TMEM243: variants seen among roughly 807,000 people sequenced by gnomAD.
TMEM243 encodes MDR1 and mitochondrial taxol resistance associated.
Under a neutral mutation model 15.0 loss-of-function variants are expected in TMEM243, and 20 were observed. The ratio of observed to expected loss-of-function variants is 1.33; its 90% CI spans 0.94 to 1.93. TMEM243 has a LOEUF of 1.93. Among genes scored for constraint, TMEM243 ranks in the 30% most tolerant of loss-of-function variants. The pLI, the probability that TMEM243 is intolerant of heterozygous loss-of-function variation, is 0.00. For synonymous variants in TMEM243, 72 were observed against 52.7 expected, an observed-to-expected ratio of 1.37 and a Z score of -1.59; for missense variants, 156 against 142.1, an observed-to-expected ratio of 1.10 and a Z score of -0.50.
At chr7:87,205,240 C>CT (rs1309373407) in intron 1 of TMEM243, among the ~76,000 whole-genome samples, 1 of 152,206 alleles carries the variant, frequency 6.6e-6, no homozygotes, top group Non-Finnish European at 1.5e-5. Context: ...TCAAAGGTCT[C>CT]TGACATGGCC....
chr7:87,215,036 C>T (rs1310976985), intron 1 of TMEM243, among the ~76,000 whole-genome samples: 2 of 152,176 alleles, frequency 1.3e-5, no homozygotes, highest in Non-Finnish European at 2.9e-5. Context: ...GGATTTGGGA[C>T]ATCGCCTGTA....
chr7:87,202,041 G>A (rs1012214223), intron 1 of TMEM243, among the ~76,000 whole-genome samples: 1 of 152,110 alleles, frequency 6.6e-6, no homozygotes, highest in African/African-American at 2.4e-5. Flanking sequence ...GACAGACGTT[G>A]TGTGCATACA....
At chr7:87,198,175 T>C (rs914104161) in intron 2 of TMEM243, 130 bp from the exon 3 acceptor site, 8 of 688,728 alleles carry the variant, frequency 1.2e-5, no homozygotes, top group South Asian at 7.9e-5. Context: ...AAGTTTGCTT[T>C]CTAGAATGTT....
At chr7:87,211,604 A>C (rs554424011) in intron 1 of TMEM243, among the ~76,000 whole-genome samples, 1 of 152,252 alleles carries the variant, frequency 6.6e-6, no homozygotes, top group Non-Finnish European at 1.5e-5. Flanking sequence ...CCCAGTCAGA[A>C]GCCTAAGGGG....
In TMEM243 at chr7:87,215,974, C is replaced by A. The variant is rs765331554; in HGVS notation, c.78+3452G>T. Among the ~76,000 whole-genome samples the A allele has an allele frequency of 3.9e-4, 60 of 152,126 alleles. No individual in the cohort carries two copies. The Middle Eastern group carries it at 0.014, about 34-fold the overall frequency. ...AGCAATACAGGAAGCCCCATCTCTA[C>A]AACAAATTAAAAAGGGCCAGGCGTG... On this transcript the variant is annotated intron_variant, in intron 1 of 3. Transcript: ENST00000257637.
chr7:87,219,936 C>A (rs758764277), upstream of TMEM243, among the ~76,000 whole-genome samples: 59 of 152,240 alleles, frequency 3.9e-4, no homozygotes, highest in Non-Finnish European at 7.3e-4. Flanking sequence ...ACGTCGCCCC[C>A]CATTTTTACA....
intron 1 of TMEM243, among the ~76,000 whole-genome samples, chr7:87,207,502 A>T: frequency 5.5e-5 from 1 of 18,194 alleles, no homozygotes; most frequent in East Asian, 6.4e-4. Context: ...AGGCTGAGGC[A>T]GGAGAATGGC....
intron 1 of TMEM243, among the ~76,000 whole-genome samples, chr7:87,204,020 T>TG (rs1298757476): frequency 2.6e-5 from 4 of 152,182 alleles, no homozygotes; most frequent in Admixed American, 2.6e-4. Context: ...AGAGATTTAA[T>TG]GGACTCACAG....
chr7:87,196,676 CACA>C lies in TMEM243; in HGVS notation c.314_316del (p.Leu105del), dbSNP rs1361355407. ...ATGGAAGTACAGGTTTGCACATATA[CACA>C]ACATGATGATAGAAAATATGATATA... On this transcript the variant is annotated inframe_deletion, in exon 4 of 4. Coordinates refer to ENST00000257637, the MANE Select transcript of TMEM243 (RefSeq NM_024315.4). 1 of 1,610,430 alleles carries C rather than the reference CACA, an allele frequency of 6.2e-7. No individual in the cohort carries two copies. The highest frequency in any genetic ancestry group is 8.5e-7 in the Non-Finnish European group (1 of 1,178,282).
intron 1 of TMEM243, chr7:87,199,344 C>T (rs1296419095): frequency 1.5e-5 from 5 of 341,100 alleles, no homozygotes; most frequent in African/African-American, 1.1e-4. Flanking sequence ...ACAAATAATG[C>T]ATGTGCTGCT....
chr7:87,209,371 G>T (rs1287573902), intron 1 of TMEM243, among the ~76,000 whole-genome samples: 1 of 151,888 alleles, frequency 6.6e-6, no homozygotes, highest in African/African-American at 2.4e-5. Context: ...AAGAGGGGAA[G>T]AGAGAGAGGT....
intron 1 of TMEM243, 41 bp downstream of exon 1, chr7:87,219,383 GAC>G: frequency 1.3e-6 from 2 of 1,595,104 alleles, no homozygotes; most frequent in East Asian, 2.2e-5. Flanking sequence ...GCAGGCAGCA[GAC>G]ACACCCCCCA....
chr7:87,198,916 T>C (rs1284224382), intron 2 of TMEM243, 91 bp downstream of exon 2: 4 of 1,172,138 alleles, frequency 3.4e-6, no homozygotes, highest in Non-Finnish European at 4.8e-6. Context: ...TAAAAGCACT[T>C]ATTTAGCTTT....
chr7:87,200,027 G>T (rs753132759), intron 1 of TMEM243, among the ~76,000 whole-genome samples: 3 of 152,296 alleles, frequency 2.0e-5, no homozygotes, highest in Non-Finnish European at 2.9e-5. Context: ...AAACCTCAGA[G>T]ATGGGAAGGA....
chr7:87,201,136 A>G (rs576362882), intron 1 of TMEM243, among the ~76,000 whole-genome samples: 1 of 152,352 alleles, frequency 6.6e-6, no homozygotes, highest in African/African-American at 2.4e-5. Context: ...GGGATTCCCA[A>G]GATGGGATGA....
At chr7:87,204,586 A>G (rs533780088) in intron 1 of TMEM243, among the ~76,000 whole-genome samples, 17 of 152,352 alleles carry the variant, frequency 1.1e-4, no homozygotes, top group African/African-American at 3.4e-4. Context: ...TGCAAATCCA[A>G]AAACCAGCAG....
At position 87,219,321 on chromosome 7, in the gene TMEM243, TA is replaced by T. The variant is rs1383611587; in HGVS notation, c.78+104del. The T allele has an allele frequency of 8.2e-6, 9 of 1,102,160 alleles. No individual in the cohort carries two copies. The East Asian group carries it at 1.2e-4, about 15-fold the overall frequency. The allele number at this position is 1,102,160 out of a possible 1,614,324, so 68.3% of individuals were successfully genotyped here. ...GGGATTGCAGAACCAGCTTCCTCCC[TA>T]AAAGTGCTTTTAGGAGCCGCAGAAA... On this transcript the variant is annotated intron_variant, in intron 1 of 3. Coordinates refer to ENST00000257637, the MANE Select transcript of TMEM243 (RefSeq NM_024315.4).
At chr7:87,219,738 G>A (rs1311661295), upstream of TMEM243, 11 of 563,236 alleles carry the variant, frequency 2.0e-5, no homozygotes, top group Non-Finnish European at 1.3e-5. Flanking sequence ...GAAGTGAAAG[G>A]AAACAAACAC....
At chr7:87,198,954 A>T in intron 2 of TMEM243, 53 bp downstream of exon 2, 1 of 1,469,214 alleles carries the variant, frequency 6.8e-7, no homozygotes, top group Non-Finnish European at 9.1e-7. Context: ...TAATTGATAA[A>T]GTTTTCAAAA....
Sources: gnomAD v4.1 joint callset for allele counts (sites outside exome capture counted in the v4.1 genomes callset) on GRCh38, gnomAD v4.1.1 for gene constraint, MANE v1.5 for transcripts, NCBI Gene and HGNC (gene_info 2026-07-23, HGNC 2026-07-21) for gene names.